RBM11: variants seen among roughly 807,000 people sequenced by gnomAD.
RBM11 encodes RNA binding motif protein 11.
Under a neutral mutation model 21.4 loss-of-function variants are expected in RBM11, and 18 were observed. That is an observed-to-expected ratio of 0.84 (90% CI 0.58 to 1.25). The LOEUF (loss-of-function observed/expected upper bound fraction) is 1.25, where lower values mean the gene tolerates loss of function less well. RBM11 is among the 50% of genes most tolerant of loss of function. The pLI is 0.00. For synonymous variants in RBM11, 120 were observed against 116.3 expected (o/e 1.03, Z -0.20); for missense variants, 294 against 331.9 (o/e 0.89, Z 0.89).
chr21:14,225,098 G>A (rs189776889), intron 4 of RBM11, among the ~76,000 whole-genome samples: 1 of 151,938 alleles, frequency 6.6e-6, no homozygotes, highest in African/African-American at 2.4e-5. Context: ...AATAGAGCAA[G>A]ACTCTGTCTC....
At chr21:14,225,950 A>T (rs546946641) in intron 4 of RBM11, among the ~76,000 whole-genome samples, 3 of 152,112 alleles carry the variant, frequency 2.0e-5, no homozygotes, top group Non-Finnish European at 2.9e-5. Context: ...GAGTTTTAAA[A>T]TTTTATTTAA....
At position 14,227,266 on chromosome 21, in the gene RBM11, A is replaced by C; in HGVS notation, c.819A>C (p.Arg273=). The C allele has an allele frequency of 6.2e-7, 1 of 1,612,216 alleles. No homozygotes were observed. Among genetic ancestry groups the C allele is most frequent in the South Asian group, 1.1e-5 (1 of 90,768 alleles). Residue 273 remains arginine (R), a synonymous_variant, in exon 5 of 5, where the codon CGA becomes CGC. Coordinates refer to ENST00000400577, the MANE Select transcript of RBM11 (RefSeq NM_144770.5). ...NRGNECSQKF[R]KSKKKKRY ...GCAACGAATGTAGCCAAAAGTTCCG[A>C]AAGTCTAAGAAGAAGAAAAGATACT...
intron 4 of RBM11, among the ~76,000 whole-genome samples, chr21:14,226,115 A>T (rs1979063562): frequency 6.6e-6 from 1 of 152,160 alleles, no homozygotes. Flanking sequence ...TTCAATAAAA[A>T]TTTAGCATTC....
chr21:14,223,673 T>C (rs1978857119), intron 3 of RBM11, among the ~76,000 whole-genome samples: 1 of 152,162 alleles, frequency 6.6e-6, no homozygotes, highest in Non-Finnish European at 1.5e-5. Flanking sequence ...CCCTCAAAAG[T>C]TCATATGTTG....
At position 14,217,748 on chromosome 21, in the gene RBM11, C is replaced by A. The variant is rs577922881; in HGVS notation, c.96+1466C>A. 1.7e-4 allele frequency among the ~76,000 whole-genome samples: 26 copies of A among 151,764 alleles called. No individual in the cohort carries two copies. The East Asian group carries it at 3.7e-3, about 21-fold the overall frequency. On this transcript the variant is annotated intron_variant, in intron 1 of 4. Coordinates refer to ENST00000400577, the MANE Select transcript of RBM11 (RefSeq NM_144770.5). ...AGTTAAAAAAAACAACAACAAAAACCGAAAGAAATATAAAGTAAACTTAGA... is the reference window on the plus strand; with the variant it reads ...AGTTAAAAAAAACAACAACAAAAACAGAAAGAAATATAAAGTAAACTTAGA...
chr21:14,219,462 A>T (rs1186459727), intron 1 of RBM11, 101 bp from the exon 2 acceptor site: 1 of 814,212 alleles, frequency 1.2e-6, no homozygotes, highest in Non-Finnish European at 1.8e-6. Context: ...CTACATAAAG[A>T]TATTGCTAAC....
In RBM11 at chr21:14,221,097, G is replaced by C; in HGVS notation, c.260G>C (p.Gly87Ala). The C allele has an allele frequency of 6.4e-7, 1 of 1,570,552 alleles. No individual in the cohort carries two copies. Among genetic ancestry groups the C allele is most frequent in the Non-Finnish European group, 8.6e-7 (1 of 1,156,820 alleles). The change falls in exon 3 of 5, where the codon GGG becomes GCG. Residue 87 changes from glycine (G) to alanine (A), a missense_variant and splice_region_variant. Around this residue, in one of 2 missense-constraint regions of RBM11, gnomAD observed 181 missense variants for 164.6 expected, o/e 1.10. Coordinates refer to ENST00000400577, the MANE Select transcript of RBM11 (RefSeq NM_144770.5). ...ACCTGTTACTCTGTTTCTTTCAAAG[G>C]GAGTTCTCGCTCTTCTGAACCAGCT... ...GRPINVQYRF[G>A]SSRSSEPANQ...
In RBM11 at chr21:14,219,704, A is replaced by C. The variant is rs372233105; in HGVS notation, c.238A>C (p.Ile80Leu). ...TGGAATTCGTTTATATGGAAGACCA[A>C]TTAACGTGCAGTATCGATTTGGTAG... ...LNGIRLYGRPINVQYRFGSSR... is the reference protein window; with the variant it reads ...LNGIRLYGRPLNVQYRFGSSR... Residue 80 changes from isoleucine to leucine, a missense_variant, in exon 2 of 5, where the codon ATT becomes CTT. Around this residue, in one of 2 missense-constraint regions of RBM11, gnomAD observed 181 missense variants for 164.6 expected, o/e 1.10. Transcript: ENST00000400577. 1.2e-6 allele frequency: 2 copies of C among 1,601,980 alleles called. No homozygotes were observed. The highest frequency in any genetic ancestry group is 1.7e-5 in the Admixed American group (1 of 59,352).
At chr21:14,216,565 T>C (rs2020450827) in intron 1 of RBM11, among the ~76,000 whole-genome samples, 1 of 152,106 alleles carries the variant, frequency 6.6e-6, no homozygotes, top group Non-Finnish European at 1.5e-5. Context: ...TGCCTGGGCC[T>C]CGGGTGTGCG....
rs2123392677 is a variant in RBM11 at position 14,219,673 on chromosome 21, G to A, written c.207G>A (p.Leu69=). 6.2e-7 allele frequency: 1 copy of A among 1,608,820 alleles called. No homozygotes were observed. The highest frequency in any genetic ancestry group is 8.5e-7 in the Non-Finnish European group (1 of 1,176,474). ...AATCGGTGTCTTATGCCATAGCTTT[G>A]CTGAATGGAATTCGTTTATATGGAA... ...HPESVSYAIA[L]LNGIRLYGRP... The change falls in exon 2 of 5, where the codon TTG becomes TTA. Residue 69 remains leucine (L), a synonymous_variant. Transcript: ENST00000400577.
In RBM11 at chr21:14,227,656, A is replaced by G. The variant is rs2123417704; in HGVS notation, c.*363A>G. On this transcript the variant is annotated 3_prime_UTR_variant, in exon 5 of 5. Transcript: ENST00000400577. ...GATTATCCCCTATAACCAACACTCA[A>G]CTACAAATAGGCTGGGATTCAATGT... The G allele has an allele frequency of 5.3e-6, 1 of 188,120 alleles. No homozygotes were observed. Among genetic ancestry groups the G allele is most frequent in the Non-Finnish European group, 1.1e-5 (1 of 91,458 alleles). 11.7% of individuals were successfully genotyped at this position (188,120 alleles called of 1,614,324 possible). A position where few individuals can be genotyped will look rare whatever the true frequency, so the allele number is the denominator to read the frequency against.
chr21:14,222,906 G>T (rs780092221), intron 3 of RBM11, among the ~76,000 whole-genome samples: 2 of 152,182 alleles, frequency 1.3e-5, no homozygotes, highest in African/African-American at 2.4e-5. Context: ...AGCATAAAGG[G>T]GGGGAAGCAC....
At position 14,219,651 on chromosome 21, in the gene RBM11, C is replaced by G. The variant is rs759324505; in HGVS notation, c.185C>G (p.Ser62Trp). 8 of 1,607,774 alleles carry G rather than the reference C, an allele frequency of 5.0e-6. No homozygotes were observed. The South Asian group carries it at 8.9e-5, about 18-fold the overall frequency. Reference sequence around the variant, plus strand: ...TTTGTCTGCTTTAAACACCCAGAATCGGTGTCTTATGCCATAGCTTTGCTG... The same window carrying G: ...TTTGTCTGCTTTAAACACCCAGAATGGGTGTCTTATGCCATAGCTTTGCTG... ...FGFVCFKHPE[S>W]VSYAIALLNG... Residue 62 changes from serine (S) to tryptophan (W), a missense_variant, in exon 2 of 5, where the codon TCG becomes TGG. Physicochemically the swap from Ser to Trp is radical, Grantham distance 177. Around this residue, in one of 2 missense-constraint regions of RBM11, gnomAD observed 181 missense variants for 164.6 expected, o/e 1.10. Transcript: ENST00000400577.
intron 1 of RBM11, among the ~76,000 whole-genome samples, chr21:14,216,999 G>A (rs1427489591): frequency 5.9e-5 from 9 of 152,174 alleles, no homozygotes; most frequent in African/African-American, 2.2e-4. Flanking sequence ...CAAATACTGA[G>A]GGTGCTGGGA....
chr21:14,219,232 TGGA>T (rs1432938733), intron 1 of RBM11, among the ~76,000 whole-genome samples: 1 of 152,212 alleles, frequency 6.6e-6, no homozygotes. Context: ...TGAATGTGTA[TGGA>T]GACAAAGTAG....
rs189786318 is a variant in RBM11 at position 14,222,159 on chromosome 21, G to T, written c.332+990G>T. Reference sequence around the variant, plus strand: ...TGGTACTGTCTGGTTAACTTACACAGGCTGATAGAATAGGTCAGGGTATAT... The same window carrying T: ...TGGTACTGTCTGGTTAACTTACACATGCTGATAGAATAGGTCAGGGTATAT... On this transcript the variant is annotated intron_variant, in intron 3 of 4. Transcript: ENST00000400577. Among the ~76,000 whole-genome samples, 40 of 151,786 alleles carry T rather than the reference G, an allele frequency of 2.6e-4. No individual in the cohort carries two copies. In the East Asian group the frequency reaches 5.8e-3, roughly 22 times the overall value.
chr21:14,226,901 G>C lies in RBM11; in HGVS notation c.454G>C (p.Val152Leu), dbSNP rs758668843. The C allele has an allele frequency of 6.2e-7, 1 of 1,613,380 alleles. No individual in the cohort carries two copies. The highest frequency in any genetic ancestry group is 8.5e-7 in the Non-Finnish European group (1 of 1,179,536). The change falls in exon 5 of 5, where the codon GTG becomes CTG. Residue 152 changes from valine to leucine, a missense_variant. Around this residue, in one of 2 missense-constraint regions of RBM11, gnomAD observed 113 missense variants for 167.3 expected, o/e 0.68. Transcript: ENST00000400577. ...QKMQWHVYNP[V>L]LQLPYYEMTA... is the part of the protein sequence containing the mutation. ...ACAGCAGTGGCATGTGTATAATCCA[G>C]TGCTGCAGCTTCCTTACTATGAAAT...
At chr21:14,217,074 G>C (rs1183457088) in intron 1 of RBM11, among the ~76,000 whole-genome samples, 1 of 152,148 alleles carries the variant, frequency 6.6e-6, no homozygotes, top group East Asian at 1.9e-4. Context: ...CAATGTTTAC[G>C]ATAATCTATA....
intron 3 of RBM11, among the ~76,000 whole-genome samples, chr21:14,222,082 C>T (rs932501256): frequency 1.3e-5 from 2 of 151,986 alleles, no homozygotes; most frequent in African/African-American, 4.8e-5. Context: ...CTTCTCTTTG[C>T]ATTCTCTTTG....
Sources: gnomAD v4.1 joint callset for allele counts (sites outside exome capture counted in the v4.1 genomes callset) on GRCh38, gnomAD v4.1.1 for gene constraint, gnomAD v4.1.1 regional missense constraint, MANE v1.5 for transcripts, NCBI Gene and HGNC (gene_info 2026-07-23, HGNC 2026-07-21) for gene names.